Variants in PCDHA10 observed in about 807,000 individuals in gnomAD.
PCDHA10 encodes the protein protocadherin alpha 10.
Under a neutral mutation model 61.2 loss-of-function variants are expected in PCDHA10, and 45 were observed. The ratio of observed to expected loss-of-function variants is 0.74; its 90% CI spans 0.58 to 0.94. The LOEUF (loss-of-function observed/expected upper bound fraction) is 0.94. Among genes scored for constraint, PCDHA10 ranks in the 40% least tolerant of loss-of-function variants. The pLI, the probability that PCDHA10 is intolerant of heterozygous loss-of-function variation, is 0.00. For synonymous variants in PCDHA10, 602 were observed against 548.8 expected, an observed-to-expected ratio of 1.10 and a Z score of -1.35; for missense variants, 1,278 against 1,236.2, an observed-to-expected ratio of 1.03 and a Z score of -0.51.
chr5:140,893,778 A>G (rs1017243223), intron 1 of PCDHA10, among the ~76,000 whole-genome samples: 2 of 151,936 alleles, frequency 1.3e-5, no homozygotes, highest in South Asian at 4.2e-4. Flanking sequence ...CTTTTCTTTT[A>G]CCGTTTTTAG....
chr5:140,888,583 G>C (rs2061886743), intron 1 of PCDHA10, among the ~76,000 whole-genome samples: 1 of 152,184 alleles, frequency 6.6e-6, no homozygotes, highest in African/African-American at 2.4e-5. Flanking sequence ...AGATTTGTTA[G>C]TACACATTCA....
intron 1 of PCDHA10, among the ~76,000 whole-genome samples, chr5:140,923,387 G>T (rs564592920): frequency 6.6e-6 from 1 of 152,254 alleles, no homozygotes; most frequent in Admixed American, 6.5e-5. Context: ...AATTAGTTGG[G>T]CATGGTGGTG....
intron 2 of PCDHA10, among the ~76,000 whole-genome samples, chr5:140,980,152 C>G (rs1554241475): frequency 6.6e-6 from 1 of 152,040 alleles, no homozygotes; most frequent in African/African-American, 2.4e-5. Context: ...CATGCATATA[C>G]CAGAATATTA....
At position 140,858,107 on chromosome 5, in the gene PCDHA10, C is replaced by T; in HGVS notation, c.2059C>T (p.Pro687Ser). 1 of 1,597,636 alleles carries T rather than the reference C, an allele frequency of 6.3e-7. No homozygotes were observed. Among genetic ancestry groups the T allele is most frequent in the Non-Finnish European group, 8.6e-7 (1 of 1,167,654 alleles). ...ASSRASVGVAPEVALVDVNVY... is the reference protein window; with the variant it reads ...ASSRASVGVASEVALVDVNVY... Reference sequence around the variant, plus strand: ...GTCGCGGGCTTCAGTGGGCGTGGCGCCCGAGGTGGCCCTGGTGGATGTCAA... The same window carrying T: ...GTCGCGGGCTTCAGTGGGCGTGGCGTCCGAGGTGGCCCTGGTGGATGTCAA... The change falls in exon 1 of 4, where the codon CCC becomes TCC. Residue 687 changes from proline (P) to serine (S), a missense_variant. Transcript: ENST00000307360.
chr5:140,919,529 TC>T (rs2079177812), intron 1 of PCDHA10, among the ~76,000 whole-genome samples: 1 of 152,196 alleles, frequency 6.6e-6, no homozygotes. Context: ...TCTCTTTTTT[TC>T]CTATACTTTT....
At chr5:140,929,678 T>C in intron 1 of PCDHA10, 1 of 305,066 alleles carries the variant, frequency 3.3e-6, no homozygotes, top group East Asian at 5.8e-5. Flanking sequence ...ATGAAAAATA[T>C]GTAAGAGTCT....
At chr5:140,968,665 T>C (rs782078145) in intron 1 of PCDHA10, 4 of 1,614,042 alleles carry the variant, frequency 2.5e-6, no homozygotes, top group Non-Finnish European at 3.4e-6. Context: ...TGGACCTCTT[T>C]AAGGTAGAGC....
chr5:140,927,697 C>T, intron 1 of PCDHA10: 2 of 1,614,170 alleles, frequency 1.2e-6, no homozygotes, highest in Non-Finnish European at 1.7e-6. Flanking sequence ...TGGGGAAGTC[C>T]AGTACTCCCT....
chr5:140,927,309 C>T (rs2084071798), intron 1 of PCDHA10: 4 of 1,614,058 alleles, frequency 2.5e-6, no homozygotes, highest in Admixed American at 1.7e-5. Context: ...TCCTGACGCC[C>T]GGAGCCCGCT....
intron 1 of PCDHA10, chr5:140,928,916 G>A (rs1287378711): frequency 5.0e-6 from 8 of 1,613,988 alleles, no homozygotes; most frequent in East Asian, 2.2e-5. Flanking sequence ...GAACCAGGAG[G>A]GCAGCTTTCT....
rs144770143 is a variant in PCDHA10 at position 140,947,157 on chromosome 5, G to A, written c.2389-31792G>A. Among the ~76,000 whole-genome samples the A allele has an allele frequency of 6.6e-3, 992 of 151,208 alleles. 6 individuals are homozygous for A. The highest frequency in any genetic ancestry group is 0.022 in the African/African-American group (913 of 41,346). ...TAAAATGTATAGTTACTTCCACGGG[G>A]TAGAAAATGTGGTATATATTCATGG... On this transcript the variant is annotated intron_variant, in intron 1 of 3. Transcript: ENST00000307360.
At chr5:140,875,884 C>T (rs531777396) in intron 1 of PCDHA10, 2 of 1,614,168 alleles carry the variant, frequency 1.2e-6, no homozygotes, top group South Asian at 2.2e-5. Flanking sequence ...AGAAAGGGAA[C>T]AAAAGGTACC....
chr5:140,883,207 G>T (rs781883209), intron 1 of PCDHA10: 12 of 1,613,794 alleles, frequency 7.4e-6, no homozygotes, highest in East Asian at 2.2e-5. Context: ...TCGAAGAAAA[G>T]AAATTATATG....
chr5:140,926,997 C>G (rs782110120), intron 1 of PCDHA10: 4 of 1,612,104 alleles, frequency 2.5e-6, no homozygotes, highest in African/African-American at 2.7e-5. Flanking sequence ...GGGGCGTAGC[C>G]GTAGGCAATC....
intron 1 of PCDHA10, chr5:140,870,270 G>C (rs139719896): frequency 0.022 from 34,719 of 1,614,158 alleles, 446 homozygotes; most frequent in African/African-American, 0.029. Flanking sequence ...GCTCGCTGAC[G>C]CCCCACGTTC....
intron 1 of PCDHA10, chr5:140,863,320 CT>C: frequency 6.9e-7 from 1 of 1,445,292 alleles, no homozygotes; most frequent in South Asian, 1.1e-5. Flanking sequence ...GGTGTCCAGC[CT>C]GTTAGTGCTC....
intron 1 of PCDHA10, chr5:140,862,885 A>C (rs782336518): frequency 3.5e-6 from 2 of 563,674 alleles, no homozygotes; most frequent in Admixed American, 3.8e-5. Flanking sequence ...TAGTGCTGGA[A>C]CGACAACTTT....
At chr5:140,883,959 C>T (rs782366148) in intron 1 of PCDHA10, 4 of 1,613,092 alleles carry the variant, frequency 2.5e-6, no homozygotes, top group Admixed American at 3.3e-5. Context: ...AACGCTCCGG[C>T]GCTGCTGACG....
intron 1 of PCDHA10, chr5:140,926,648 G>A (rs1319870606): frequency 2.5e-5 from 12 of 475,704 alleles, no homozygotes; most frequent in Non-Finnish European, 3.5e-6. Context: ...CACCCGGCCG[G>A]CTCCGCTTTC....
Sources: gnomAD v4.1 joint callset for allele counts (sites outside exome capture counted in the v4.1 genomes callset) on GRCh38, gnomAD v4.1.1 for gene constraint, MANE v1.5 for transcripts, NCBI Gene and HGNC (gene_info 2026-07-23, HGNC 2026-07-21) for gene names.